Variants in CSRP2 observed in about 807,000 individuals in gnomAD.
The protein encoded by CSRP2 is cysteine and glycine-rich protein 2.
In CSRP2, 18 loss-of-function variants were observed where a neutral mutation model predicts 24.6. The ratio of observed to expected loss-of-function variants is 0.73; its 90% confidence interval spans 0.51 to 1.09. The LOEUF (loss-of-function observed/expected upper bound fraction) is 1.09, where lower values mean the gene tolerates loss of function less well. Among genes scored for constraint, CSRP2 ranks in the 50% least tolerant of loss-of-function variants. The probability of loss-of-function intolerance (pLI) is 0.00; values close to 1 mark genes in which losing one functional copy is unlikely to be tolerated. For synonymous variants in CSRP2, 87 were observed against 84.3 expected (o/e 1.03, Z -0.18); for missense variants, 215 against 239.4 (o/e 0.90, Z 0.67).
At chr12:76,874,871 A>C (rs541677074) in intron 1 of CSRP2, among the ~76,000 whole-genome samples, 1 of 152,276 alleles carries the variant, frequency 6.6e-6, no homozygotes, top group South Asian at 2.1e-4. Context: ...GAACAGTTTC[A>C]TCCCAAAATT....
At chr12:76,872,869 C>G (rs773012670) in intron 1 of CSRP2, among the ~76,000 whole-genome samples, 25 of 152,114 alleles carry the variant, frequency 1.6e-4, no homozygotes, top group Admixed American at 5.9e-4. Flanking sequence ...CACGTGTGTC[C>G]GTGTTGTTTT....
In CSRP2 at chr12:76,869,529, A is replaced by AACACACGCACAC. The variant is rs1555192081; in HGVS notation, c.-1-3269_-1-3268insGTGTGCGTGTGT. ...GGAGCTCCTGTTCCTTAAAACAAAC[A>AACACACGCACAC]ACACACACACACACACACACACACA... On this transcript the variant is annotated intron_variant, in intron 1 of 5. Transcript: ENST00000311083. Among the ~76,000 whole-genome samples the AACACACGCACAC allele has an allele frequency of 3.7e-5, 5 of 135,420 alleles. 1 individual carries two copies. The highest frequency in any genetic ancestry group is 7.8e-3 in the Middle Eastern group (2 of 256). The allele number at this position is 135,420 out of a possible 152,430, so 88.8% of individuals were successfully genotyped here.
chr12:76,872,742 G>T (rs1343436423), intron 1 of CSRP2, among the ~76,000 whole-genome samples: 1 of 152,216 alleles, frequency 6.6e-6, no homozygotes, highest in Non-Finnish European at 1.5e-5. Flanking sequence ...TGCAGGTGGG[G>T]ACCTCCTCTT....
intron 5 of CSRP2, 95 bp downstream of exon 5, chr12:76,859,452 T>G (rs1953652259): frequency 5.1e-6 from 4 of 790,628 alleles, no homozygotes; most frequent in Non-Finnish European, 7.9e-6. Flanking sequence ...AGTGGCATAC[T>G]TTTCTTTTTT....
rs398020213 is a variant in CSRP2, at chr12:76,870,975, C to CAAAAA, written c.-1-4719_-1-4715dup. 5.6e-4 allele frequency among the ~76,000 whole-genome samples: 32 copies of CAAAAA among 57,148 alleles called. 2 individuals are homozygous for CAAAAA. The highest frequency in any genetic ancestry group is 7.9e-4 in the African/African-American group (10 of 12,584). The allele number at this position is 57,148 out of a possible 152,430, so 37.5% of individuals were successfully genotyped here. A position where few individuals can be genotyped will look rare whatever the true frequency, so the allele number is the denominator to read the frequency against. ...GCAACAGAGCAAGATGACCCTGTCT[C>CAAAAA]AAAAAAAAAAAAAAAAAAAAAAAAA... On this transcript the variant is annotated intron_variant, in intron 1 of 5. Transcript: ENST00000311083.
intron 1 of CSRP2, among the ~76,000 whole-genome samples, chr12:76,874,857 G>A (rs2137838619): frequency 6.6e-6 from 1 of 152,254 alleles, no homozygotes; most frequent in East Asian, 1.9e-4. Flanking sequence ...GGTGATCTGA[G>A]ATGGAACAGT....
intron 3 of CSRP2, chr12:76,862,906 T>C (rs1953698086): frequency 2.0e-6 from 3 of 1,525,702 alleles, no homozygotes; most frequent in Non-Finnish European, 2.6e-6. Context: ...GAAATTGAAG[T>C]AAATACAAAT....
intron 1 of CSRP2, among the ~76,000 whole-genome samples, chr12:76,871,034 T>C (rs892833437): frequency 1.3e-5 from 2 of 151,694 alleles, no homozygotes; most frequent in African/African-American, 2.4e-5. Flanking sequence ...CCTTATATTG[T>C]TCTCTACTTT....
intron 5 of CSRP2, 173 bp downstream of exon 5, chr12:76,859,374 T>C: frequency 1.6e-6 from 1 of 607,204 alleles, no homozygotes; most frequent in Non-Finnish European, 2.9e-6. Flanking sequence ...GAGTTTTAAA[T>C]GATCAGGAAC....
At chr12:76,871,543 G>A (rs1953797393) in intron 1 of CSRP2, among the ~76,000 whole-genome samples, 1 of 152,156 alleles carries the variant, frequency 6.6e-6, no homozygotes, top group African/African-American at 2.4e-5. Flanking sequence ...GGCCAAGGCG[G>A]GCAGATCACG....
chr12:76,860,432 A>G lies in CSRP2; in HGVS notation c.282-19T>C. The G allele has an allele frequency of 6.2e-7, 1 of 1,612,006 alleles. No individual in the cohort carries two copies. The highest frequency in any genetic ancestry group is 8.5e-7 in the Non-Finnish European group (1 of 1,178,734). ...CTGAACACTTGTGAAAAGAGGAAAAAAAAAGTAGGCAAGAGTTTCCACAGG... is the reference window on the plus strand; with the variant it reads ...CTGAACACTTGTGAAAAGAGGAAAAGAAAAGTAGGCAAGAGTTTCCACAGG... On this transcript the variant is annotated intron_variant, in intron 3 of 5. Transcript: ENST00000311083.
chr12:76,858,838 G>C lies in CSRP2; in HGVS notation c.*114C>G. On this transcript the variant is annotated 3_prime_UTR_variant, in exon 6 of 6. Coordinates refer to ENST00000311083, the MANE Select transcript of CSRP2 (RefSeq NM_001321.3). ...TAGCCAGCCTATCCAAGTACAGGGC[G>C]ATATACAGTACTTAATGCTGGTAGA... is the stretch of plus-strand genomic sequence containing the variant. 1 of 926,810 alleles carries C rather than the reference G, an allele frequency of 1.1e-6. No individual in the cohort carries two copies. The highest frequency in any genetic ancestry group is 1.7e-6 in the Non-Finnish European group (1 of 579,142). The allele number at this position is 926,810 out of a possible 1,614,324, so 57.4% of individuals were successfully genotyped here.
At chr12:76,869,529 AAC>A (rs57542492) in intron 1 of CSRP2, among the ~76,000 whole-genome samples, 14,345 of 135,176 alleles carry the variant, frequency 0.11, 836 homozygotes, top group East Asian at 0.3. Flanking sequence ...TAAAACAAAC[AAC>A]ACACACACAC....
chr12:76,865,238 TG>T (rs1460492665), intron 2 of CSRP2, among the ~76,000 whole-genome samples: 1 of 152,326 alleles, frequency 6.6e-6, no homozygotes, highest in East Asian at 1.9e-4. Context: ...CTAAAGTATT[TG>T]CATTCTGTTT....
At chr12:76,875,856 T>C (rs1353478751) in intron 1 of CSRP2, among the ~76,000 whole-genome samples, 1 of 152,234 alleles carries the variant, frequency 6.6e-6, no homozygotes, top group Non-Finnish European at 1.5e-5. Context: ...ACTACCACTA[T>C]TCTCATTTTA....
In CSRP2 at chr12:76,859,155, T is replaced by C. The variant is rs933546283; in HGVS notation, c.506-127A>G. 20 of 719,858 alleles carry C rather than the reference T, an allele frequency of 2.8e-5. No individual in the cohort carries two copies. In the African/African-American group the frequency reaches 3.3e-4, roughly 12 times the overall value. The allele number at this position is 719,858 out of a possible 1,614,324, so 44.6% of individuals were successfully genotyped here. On this transcript the variant is annotated intron_variant, in intron 5 of 5. Transcript: ENST00000311083. Reference sequence around the variant, plus strand: ...GTAAAAGAGCTCAACTTATTTAAGATGTTAAATGTGTCATGTACTAAATAT... The same window carrying C: ...GTAAAAGAGCTCAACTTATTTAAGACGTTAAATGTGTCATGTACTAAATAT...
In CSRP2 at chr12:76,866,188, A is replaced by G; in HGVS notation, c.73T>C (p.Cys25Arg). 6.2e-7 allele frequency: 1 copy of G among 1,614,122 alleles called. No homozygotes were observed. Among genetic ancestry groups the G allele is most frequent in the Non-Finnish European group, 8.5e-7 (1 of 1,179,998 alleles). Residue 25 changes from cysteine to arginine, a missense_variant, in exon 2 of 6, where the codon TGT becomes CGT. Coordinates refer to ENST00000311083, the MANE Select transcript of CSRP2 (RefSeq NM_001321.3). ...RTVYHAEEVQ[C>R]DGRSFHRCCF... is the part of the protein sequence containing the mutation. ...CAGCGGTGGAAGCTCCTGCCATCAC[A>G]CTGCACCTCTTCTGCGTGGTACACG...
At chr12:76,869,563 CACACACACACACACA>C in intron 1 of CSRP2, among the ~76,000 whole-genome samples, 1 of 149,142 alleles carries the variant, frequency 6.7e-6, no homozygotes, top group African/African-American at 2.6e-5. Context: ...CACACACACA[CACACACACACACACA>C]CCCCTGACTG....
In CSRP2 at chr12:76,866,133, A is replaced by G. The variant is rs771901625; in HGVS notation, c.112+16T>C. On this transcript the variant is annotated intron_variant, in intron 2 of 5. Transcript: ENST00000311083. ...ATACAAATTCCGTCAAAGGTGGAGCATGGAGAGCTACTTACTGCAGAGAAA... is the reference window on the plus strand; with the variant it reads ...ATACAAATTCCGTCAAAGGTGGAGCGTGGAGAGCTACTTACTGCAGAGAAA... 2.5e-6 allele frequency: 4 copies of G among 1,588,032 alleles called. No homozygotes were observed. The highest frequency in any genetic ancestry group is 8.6e-7 in the Non-Finnish European group (1 of 1,156,464).
Sources: gnomAD v4.1 joint callset for allele counts (sites outside exome capture counted in the v4.1 genomes callset) on GRCh38, gnomAD v4.1.1 for gene constraint, MANE v1.5 for transcripts, NCBI Gene and HGNC (gene_info 2026-07-23, HGNC 2026-07-21) for gene names.